Variants in TCERG1 observed in about 807,000 individuals in gnomAD.
TCERG1 encodes the protein transcription elongation regulator 1.
A neutral mutation model predicts 144.7 loss-of-function variants in TCERG1; 37 were observed. That is an observed-to-expected ratio of 0.26 (90% CI 0.20 to 0.34). The LOEUF (loss-of-function observed/expected upper bound fraction) is 0.34, where lower values mean the gene tolerates loss of function less well. Ranked by LOEUF, TCERG1 falls within the 10% of genes least tolerant of loss-of-function variation. The pLI is 1.00. For synonymous variants in TCERG1, 492 were observed against 458.2 expected (o/e 1.07, Z -0.94); for missense variants, 1,027 against 1,380.7 (o/e 0.74, Z 4.06).
chr5:146,473,004 T>C (rs983877965), intron 9 of TCERG1, among the ~76,000 whole-genome samples: 13 of 152,090 alleles, frequency 8.5e-5, no homozygotes, highest in Non-Finnish European at 1.8e-4. Flanking sequence ...TGAGCCACCA[T>C]GCCCAGCTAC....
At position 146,457,264 on chromosome 5, in the gene TCERG1, A is replaced by G. The variant is rs1379860165; in HGVS notation, c.367A>G (p.Thr123Ala). ...GTTTCCACCAGGAATGCCTCCTGTG[A>G]CTGCTCCTGGTACTCCAGCACTACC... ...MMFPPGMPPV[T>A]APGTPALPPT... The change falls in exon 3 of 23, where the codon ACT becomes GCT. Residue 123 changes from threonine to alanine, a missense_variant. Transcript: ENST00000679501. 3.7e-6 allele frequency: 6 copies of G among 1,613,972 alleles called. No homozygotes were observed. The highest frequency in any genetic ancestry group is 5.1e-6 in the Non-Finnish European group (6 of 1,179,988).
Position 146,455,286 on chromosome 5 carries a change from A to G in TCERG1, c.285+5A>G. The G allele has an allele frequency of 6.2e-7, 1 of 1,614,088 alleles. No homozygotes were observed. The highest frequency in any genetic ancestry group is 8.5e-7 in the Non-Finnish European group (1 of 1,179,946). On this transcript the variant is annotated splice_donor_5th_base_variant and intron_variant, in intron 2 of 22. Coordinates refer to ENST00000679501, the MANE Select transcript of TCERG1 (RefSeq NM_001382548.1). ...ATGGGCCCTCCACACCTCCAGGTAA[A>G]GAATGTAGAGGTTGCCATTTCTTTG... is the stretch of plus-strand genomic sequence containing the variant.
chr5:146,451,985 G>T (rs1762398527), intron 1 of TCERG1, among the ~76,000 whole-genome samples: 1 of 150,528 alleles, frequency 6.6e-6, no homozygotes, highest in South Asian at 2.1e-4. Flanking sequence ...TCAGGGTTTT[G>T]CTATGTTGGC....
chr5:146,502,690 T>G lies in TCERG1; in HGVS notation c.2434-685T>G, dbSNP rs966702893. 2.0e-5 allele frequency among the ~76,000 whole-genome samples: 3 copies of G among 152,204 alleles called. No homozygotes were observed. In the East Asian group the frequency reaches 5.8e-4, roughly 29 times the overall value. On this transcript the variant is annotated intron_variant, in intron 17 of 22. Coordinates refer to ENST00000679501, the MANE Select transcript of TCERG1 (RefSeq NM_001382548.1). Reference sequence around the variant, plus strand: ...TCTGAGTTTATAATGTTATAAACATTACATACATGTTTAATGCTAAAAAGT... The same window carrying G: ...TCTGAGTTTATAATGTTATAAACATGACATACATGTTTAATGCTAAAAAGT...
At chr5:146,471,740 AG>A in intron 9 of TCERG1, among the ~76,000 whole-genome samples, 164 bp downstream of exon 9, 1 of 152,170 alleles carries the variant, frequency 6.6e-6, no homozygotes, top group Admixed American at 6.5e-5. Context: ...CTGGGACTAC[AG>A]GCACACGCCA....
At chr5:146,474,110 C>T (rs548370595) in intron 9 of TCERG1, among the ~76,000 whole-genome samples, 76 of 152,294 alleles carry the variant, frequency 5.0e-4, no homozygotes, top group African/African-American at 1.8e-3. Context: ...GTCAATAGAA[C>T]ACCTTCTGTA....
At position 146,507,938 on chromosome 5, in the gene TCERG1, G is replaced by A. The variant is rs374429862; in HGVS notation, c.3027G>A (p.Lys1009=). 5 of 1,608,696 alleles carry A rather than the reference G, an allele frequency of 3.1e-6. No individual in the cohort carries two copies. Among genetic ancestry groups the A allele is most frequent in the Non-Finnish European group, 3.4e-6 (4 of 1,177,446 alleles). The change falls in exon 21 of 23, where the codon AAG becomes AAA. Residue 1009 remains lysine (K), a synonymous_variant. Coordinates refer to ENST00000679501, the MANE Select transcript of TCERG1 (RefSeq NM_001382548.1). The surrounding 1 kb of genome is among the most constrained non-coding windows in gnomAD (Gnocchi z 4.6). ...KIIKEDPRCI[K]FSSSDRKKQR... is the part of the protein sequence containing the mutation. The stretch of plus-strand genomic sequence containing the variant: ...TTAAGGAAGATCCTCGATGTATTAA[G>A]TTCTCCTCCAGTGACAGGGTAAGAG...
chr5:146,452,077 T>C (rs1762405810), intron 1 of TCERG1, among the ~76,000 whole-genome samples: 1 of 152,110 alleles, frequency 6.6e-6, no homozygotes, highest in Non-Finnish European at 1.5e-5. Context: ...CATGAGCCAC[T>C]GCTCCTGGCC....
Position 146,463,671 on chromosome 5 carries a change from A to C in TCERG1, c.1013A>C (p.Gln338Pro), listed in dbSNP as rs766778876. Residue 338 changes from glutamine (Q) to proline (P), a missense_variant, in exon 5 of 23, where the codon CAG (glutamine) becomes CCG (proline). By Grantham distance (76) the Gln-to-Pro change is moderately conservative. Transcript: ENST00000679501. The stretch of plus-strand genomic sequence containing the variant: ...CAAACCGTTCCCCAGCCGCACCCTC[A>C]GACGTTACCTCCTGCTGTTCCTCAT... ...PVQTVPQPHP[Q>P]TLPPAVPHSV... is the part of the protein sequence containing the mutation. The C allele has an allele frequency of 1.9e-6, 3 of 1,614,152 alleles. No individual in the cohort carries two copies. Among genetic ancestry groups the C allele is most frequent in the Non-Finnish European group, 2.5e-6 (3 of 1,180,014 alleles).
At chr5:146,471,015 G>A (rs1185367567) in intron 8 of TCERG1, among the ~76,000 whole-genome samples, 1 of 152,040 alleles carries the variant, frequency 6.6e-6, no homozygotes, top group African/African-American at 2.4e-5. Flanking sequence ...TAAACTGAGT[G>A]GTATTTGTTA....
At position 146,455,782 on chromosome 5, in the gene TCERG1, G is replaced by A. The variant is rs576303827; in HGVS notation, c.285+501G>A. 1.2e-4 allele frequency among the ~76,000 whole-genome samples: 19 copies of A among 152,290 alleles called. No homozygotes were observed. In the East Asian group the frequency reaches 3.5e-3, roughly 28 times the overall value. On this transcript the variant is annotated intron_variant, in intron 2 of 22. Transcript: ENST00000679501. ...TTGAATTTTTTTTCTCCCCTGGGGGGAAAATAGGGTTATCTTACTCTTTTT... is the reference window on the plus strand; with the variant it reads ...TTGAATTTTTTTTCTCCCCTGGGGGAAAAATAGGGTTATCTTACTCTTTTT...
In TCERG1 at chr5:146,451,319, CTTTTTT is replaced by C. The variant is rs56346846; in HGVS notation, c.60-3726_60-3721del. 2.8e-3 allele frequency among the ~76,000 whole-genome samples: 385 copies of C among 138,884 alleles called. 2 individuals carry two copies. The highest frequency in any genetic ancestry group is 9.8e-3 in the African/African-American group (369 of 37,612). The allele number at this position is 138,884 out of a possible 152,430, so 91.1% of individuals were successfully genotyped here. A position where few individuals can be genotyped will look rare whatever the true frequency, so the allele number is the denominator to read the frequency against. On this transcript the variant is annotated intron_variant, in intron 1 of 22. Coordinates refer to ENST00000679501, the MANE Select transcript of TCERG1 (RefSeq NM_001382548.1). Reference sequence around the variant, plus strand: ...GATTATTTTGATGCGATCCATATTCCTTTTTTTTTTTTTTTTCTTTTAAGACAATGT... The same window carrying C: ...GATTATTTTGATGCGATCCATATTCCTTTTTTTTTTCTTTTAAGACAATGT...
chr5:146,461,455 G>A (rs1763320394), intron 4 of TCERG1, among the ~76,000 whole-genome samples: 1 of 152,124 alleles, frequency 6.6e-6, no homozygotes, highest in Admixed American at 6.5e-5. Flanking sequence ...AGCAAATGAA[G>A]TTAGTGGGAA....
chr5:146,476,956 G>A (rs995923229), intron 9 of TCERG1, among the ~76,000 whole-genome samples: 1 of 151,962 alleles, frequency 6.6e-6, no homozygotes, highest in East Asian at 1.9e-4. Context: ...GAGATGGAGG[G>A]TCTCACTTTG....
At chr5:146,491,404 A>G (rs1369126705) in intron 15 of TCERG1, among the ~76,000 whole-genome samples, 1 of 151,862 alleles carries the variant, frequency 6.6e-6, no homozygotes, top group Non-Finnish European at 1.5e-5. Flanking sequence ...CATTGAAGTG[A>G]GTGCTGCTGG....
At chr5:146,457,662 A>C (rs1762948666) in intron 3 of TCERG1, among the ~76,000 whole-genome samples, 2 of 152,246 alleles carry the variant, frequency 1.3e-5, no homozygotes, top group Admixed American at 1.3e-4. Flanking sequence ...AGCCATTCTT[A>C]TCAGTAAGGG....
chr5:146,498,636 G>A lies in TCERG1; in HGVS notation c.2383G>A (p.Ala795Thr). 1 of 1,611,608 alleles carries A rather than the reference G, an allele frequency of 6.2e-7. No individual in the cohort carries two copies. The highest frequency in any genetic ancestry group is 2.2e-5 in the East Asian group (1 of 44,684). ...AGAAGCCTTGTTTAATGAGTTTGTG[G>A]CCGCTGCTAGGAAGAAAGAGAAAGA... ...DREALFNEFV[A>T]AARKKEKEDS... The change falls in exon 17 of 23, where the codon GCC becomes ACC. Residue 795 changes from alanine to threonine, a missense_variant. Ala to Thr is a moderately conservative substitution (Grantham distance 58). Transcript: ENST00000679501.
chr5:146,477,580 G>A (rs1764952335), intron 9 of TCERG1, among the ~76,000 whole-genome samples: 1 of 140,140 alleles, frequency 7.1e-6, no homozygotes, highest in Non-Finnish European at 1.5e-5. Flanking sequence ...TCTGAATGTA[G>A]TTGTGGTTTT....
In TCERG1 at chr5:146,459,161, C is replaced by T. The variant is rs765476368; in HGVS notation, c.716C>T (p.Ala239Val). 8 of 1,612,380 alleles carry T rather than the reference C, an allele frequency of 5.0e-6. No homozygotes were observed. Among genetic ancestry groups the T allele is most frequent in the Non-Finnish European group, 6.8e-6 (8 of 1,178,688 alleles). The change falls in exon 4 of 23, where the codon GCC (alanine) becomes GTC (valine). Residue 239 changes from alanine to valine, a missense_variant. This residue lies in a region of TCERG1 where 187 missense variants were observed against 169.1 expected (regional missense o/e 1.11). Coordinates refer to ENST00000679501, the MANE Select transcript of TCERG1 (RefSeq NM_001382548.1). ...GCTCAGGCACAAGCTCAGGCCCAGGCCCAGGCTCAGGTCCAGGCCCAGGTC... is the reference window on the plus strand; with the variant it reads ...GCTCAGGCACAAGCTCAGGCCCAGGTCCAGGCTCAGGTCCAGGCCCAGGTC... ...AQAQAQAQAQ[A>V]QAQVQAQVQA...
Sources: allele counts gnomAD v4.1 joint callset (sites outside exome capture counted in the v4.1 genomes callset), GRCh38; gene constraint gnomAD v4.1.1; regional missense constraint gnomAD v4.1.1; non-coding constraint Gnocchi (gnomAD v3.1); transcripts MANE v1.5; gene names NCBI Gene and HGNC (gene_info 2026-07-23, HGNC 2026-07-21).